The following KCNH1 variants were observed in gnomAD, a reference collection of about 807,000 sequenced individuals.
KCNH1 encodes the protein potassium voltage-gated channel subfamily H member 1.
Under a neutral mutation model 69.2 loss-of-function variants are expected in KCNH1, and 27 were observed. The ratio of observed to expected loss-of-function variants is 0.39; its 90% CI spans 0.29 to 0.54. KCNH1 has a LOEUF of 0.54. Among genes scored for constraint, KCNH1 ranks in the 20% least tolerant of loss-of-function variants. The probability of loss-of-function intolerance (pLI) is 0.68; values close to 1 mark genes in which losing one functional copy is unlikely to be tolerated. For synonymous variants in KCNH1, 456 were observed against 487.7 expected (o/e 0.93, Z 0.86); for missense variants, 798 against 1,261.6 (o/e 0.63, Z 5.57).
At chr1:210,977,044 T>C (rs912703160) in intron 6 of KCNH1, among the ~76,000 whole-genome samples, 1 of 152,144 alleles carries the variant, frequency 6.6e-6, no homozygotes, top group Non-Finnish European at 1.5e-5. Context: ...TAGCAAAGAC[T>C]TGGAACCAAC....
At chr1:211,029,891 T>C (rs189946318) in intron 5 of KCNH1, among the ~76,000 whole-genome samples, 258 of 152,246 alleles carry the variant, frequency 1.7e-3, no homozygotes, top group Non-Finnish European at 2.6e-3. Flanking sequence ...TTCTACACAA[T>C]AGAAATGAAC....
chr1:210,993,837 G>A (rs893303259), intron 6 of KCNH1, among the ~76,000 whole-genome samples: 5 of 152,024 alleles, frequency 3.3e-5, no homozygotes, highest in Non-Finnish European at 1.5e-5. Flanking sequence ...AACAAGATTT[G>A]TTCTCTCACT....
intron 9 of KCNH1, among the ~76,000 whole-genome samples, chr1:210,794,561 A>T (rs1197757846): frequency 1.3e-5 from 2 of 152,220 alleles, no homozygotes; most frequent in African/African-American, 2.4e-5. Flanking sequence ...CAAGAAGCCC[A>T]GGATGAAAGG....
chr1:210,844,630 G>T (rs1685497868), intron 7 of KCNH1, among the ~76,000 whole-genome samples: 1 of 152,182 alleles, frequency 6.6e-6, no homozygotes, highest in Non-Finnish European at 1.5e-5. Context: ...AAGCAGGAAA[G>T]ATCTAAAATA....
At chr1:210,934,988 T>C (rs758772639) in intron 6 of KCNH1, among the ~76,000 whole-genome samples, 2 of 151,888 alleles carry the variant, frequency 1.3e-5, no homozygotes, top group Non-Finnish European at 2.9e-5. Context: ...CAATGCTGGG[T>C]TATGCCCAAA....
rs184585331 is a variant in KCNH1, at chr1:210,704,180, G to T, written c.2113-20042C>A. Among the ~76,000 whole-genome samples the T allele has an allele frequency of 8.1e-4, 124 of 152,228 alleles. 1 individual carries two copies. The East Asian group carries it at 0.023, about 28-fold the overall frequency. ...TGTGTCGAAGGCAGCAGCTCTTCCT[G>T]CCCCTACTGTGAAGTCTGAAGGAAG... is the stretch of plus-strand genomic sequence containing the variant. On this transcript the variant is annotated intron_variant, in intron 10 of 10. Transcript: ENST00000271751.
intron 7 of KCNH1, among the ~76,000 whole-genome samples, chr1:210,917,237 A>AAG (rs1324362037): frequency 7.6e-6 from 1 of 131,730 alleles, no homozygotes; most frequent in Non-Finnish European, 1.6e-5. Flanking sequence ...GAGAGAAAGA[A>AAG]AGAAAGAAAG....
intron 10 of KCNH1, among the ~76,000 whole-genome samples, chr1:210,764,018 C>T (rs1031595757): frequency 1.3e-5 from 2 of 152,064 alleles, no homozygotes; most frequent in Non-Finnish European, 2.9e-5. Context: ...GGTACAAAAA[C>T]AGATGAATAC....
At chr1:210,915,766 C>T (rs999300043) in intron 7 of KCNH1, among the ~76,000 whole-genome samples, 3 of 152,180 alleles carry the variant, frequency 2.0e-5, no homozygotes, top group African/African-American at 7.2e-5. Flanking sequence ...AGTTTTCCTG[C>T]TGCACATCAT....
intron 6 of KCNH1, among the ~76,000 whole-genome samples, chr1:210,960,816 A>G (rs1688278325): frequency 6.6e-6 from 1 of 152,230 alleles, no homozygotes; most frequent in South Asian, 2.1e-4. Flanking sequence ...TGATTTTTAA[A>G]GAAACATCCA....
intron 7 of KCNH1, among the ~76,000 whole-genome samples, chr1:210,897,169 G>A (rs1185983335): frequency 2.0e-5 from 3 of 152,210 alleles, no homozygotes; most frequent in South Asian, 4.1e-4. Context: ...TGATCTGGAT[G>A]TAATGGATGG....
chr1:210,881,974 C>T (rs1031098099), intron 7 of KCNH1, among the ~76,000 whole-genome samples: 2 of 152,094 alleles, frequency 1.3e-5, no homozygotes, highest in African/African-American at 4.8e-5. Context: ...ATACTTTTGA[C>T]CAAACCCATA....
intron 7 of KCNH1, among the ~76,000 whole-genome samples, chr1:210,818,200 A>G (rs908338511): frequency 2.6e-5 from 4 of 152,106 alleles, no homozygotes; most frequent in African/African-American, 7.2e-5. Context: ...AATGGATGAT[A>G]TTATACAGGG....
intron 10 of KCNH1, among the ~76,000 whole-genome samples, chr1:210,746,974 ATCT>A (rs2149040299): frequency 6.6e-6 from 1 of 152,278 alleles, no homozygotes; most frequent in Admixed American, 6.5e-5. Context: ...GGCTTTGGGA[ATCT>A]TCTGTCCAGT....
chr1:210,877,424 T>G (rs958380131), intron 7 of KCNH1, among the ~76,000 whole-genome samples: 3 of 152,088 alleles, frequency 2.0e-5, no homozygotes, highest in Admixed American at 2.0e-4. Flanking sequence ...ACTGGGCAGG[T>G]CATCAAAGCA....
In KCNH1 at chr1:211,053,578, AG is replaced by A. The variant is rs1473158245; in HGVS notation, c.558+29201del. The stretch of plus-strand genomic sequence containing the variant: ...CTATCTAGAACTTTTGGTAGAAAAA[AG>A]GGTTATCTGTAAAAAATCAGAACCC... On this transcript the variant is annotated intron_variant, in intron 5 of 10. Transcript: ENST00000271751. Among the ~76,000 whole-genome samples, 5 of 152,342 alleles carry A rather than the reference AG, an allele frequency of 3.3e-5. No homozygotes were observed. The South Asian group carries it at 8.3e-4, about 25-fold the overall frequency.
At chr1:210,970,093 C>T (rs555006844) in intron 6 of KCNH1, among the ~76,000 whole-genome samples, 2 of 151,872 alleles carry the variant, frequency 1.3e-5, no homozygotes, top group African/African-American at 4.8e-5. Context: ...GTTTTTTTCT[C>T]CTGCTTTTAT....
intron 6 of KCNH1, among the ~76,000 whole-genome samples, chr1:210,933,553 T>C (rs575087711): frequency 6.7e-6 from 1 of 150,140 alleles, no homozygotes; most frequent in African/African-American, 2.5e-5. Flanking sequence ...CAAAAATAAA[T>C]GAAATAGAGA....
At chr1:210,699,344 G>A (rs1265490218) in intron 10 of KCNH1, among the ~76,000 whole-genome samples, 1 of 152,190 alleles carries the variant, frequency 6.6e-6, no homozygotes, top group Non-Finnish European at 1.5e-5. Context: ...AGCTGTATTT[G>A]GTCAAACCTG....
Sources: allele counts gnomAD v4.1 joint callset (sites outside exome capture counted in the v4.1 genomes callset), GRCh38; gene constraint gnomAD v4.1.1; transcripts MANE v1.5; gene names NCBI Gene and HGNC (gene_info 2026-07-23, HGNC 2026-07-21).